The following PRKG1 variants were observed in gnomAD, a reference collection of about 807,000 sequenced individuals.
The protein encoded by PRKG1 is cGMP-dependent protein kinase 1.
Under a neutral mutation model 88.1 loss-of-function variants are expected in PRKG1, and 35 were observed. The ratio of observed to expected loss-of-function variants is 0.40; its 90% CI spans 0.30 to 0.53. The LOEUF is 0.53. PRKG1 is among the 20% of genes least tolerant of loss of function. PRKG1 has a pLI of 0.59. For synonymous variants in PRKG1, 303 were observed against 292.5 expected, an observed-to-expected ratio of 1.04 and a Z score of -0.37; for missense variants, 540 against 839.8, an observed-to-expected ratio of 0.64 and a Z score of 4.41.
intron 1 of PRKG1, among the ~76,000 whole-genome samples, chr10:50,994,799 T>C (rs1589095750): frequency 9.4e-6 from 1 of 106,168 alleles, no homozygotes. Flanking sequence ...CAACTGAGGA[T>C]CAAAACTATT....
intron 1 of PRKG1, among the ~76,000 whole-genome samples, chr10:51,103,535 C>T (rs1431931260): frequency 6.6e-6 from 1 of 152,172 alleles, no homozygotes; most frequent in Non-Finnish European, 1.5e-5. Flanking sequence ...GAAGACATTT[C>T]TGATAGTTTA....
At chr10:51,230,314 G>A (rs766309040) in intron 2 of PRKG1, among the ~76,000 whole-genome samples, 14 of 152,282 alleles carry the variant, frequency 9.2e-5, no homozygotes, top group Admixed American at 2.6e-4. Context: ...GATACTCAAA[G>A]CATTGGCACT....
chr10:51,628,181 CT>C (rs1839423366), intron 3 of PRKG1, among the ~76,000 whole-genome samples: 1 of 89,134 alleles, frequency 1.1e-5, no homozygotes, highest in African/African-American at 4.3e-5. Flanking sequence ...TCTTTTCTTT[CT>C]TTTCTTTCTT....
intron 3 of PRKG1, among the ~76,000 whole-genome samples, chr10:51,531,637 CTTTTTTTTTTTT>C (rs34091409): frequency 2.9e-5 from 2 of 67,852 alleles, no homozygotes; most frequent in African/African-American, 1.2e-4. Flanking sequence ...AAAAAGAATT[CTTTTTTTTTTTT>C]TTTTTTTTTT....
chr10:51,917,003 C>T (rs1231849434), intron 5 of PRKG1, among the ~76,000 whole-genome samples: 1 of 151,974 alleles, frequency 6.6e-6, no homozygotes, highest in African/African-American at 2.4e-5. Flanking sequence ...TGAAGGAGGA[C>T]AGTGGAGAAG....
chr10:51,346,166 A>C (rs1842108864), intron 2 of PRKG1, among the ~76,000 whole-genome samples: 1 of 152,200 alleles, frequency 6.6e-6, no homozygotes. Flanking sequence ...AATTCCAAAA[A>C]AGTCGTTGAT....
chr10:52,054,129 A>G (rs1458705703), intron 5 of PRKG1, among the ~76,000 whole-genome samples: 1 of 152,192 alleles, frequency 6.6e-6, no homozygotes, highest in Non-Finnish European at 1.5e-5. Context: ...AATGAATTTA[A>G]AGGTATGATG....
intron 3 of PRKG1, among the ~76,000 whole-genome samples, chr10:51,799,004 C>A (rs1166391859): frequency 6.6e-6 from 1 of 152,030 alleles, no homozygotes. Context: ...TCCTTAATAT[C>A]TTTCAAATTC....
At chr10:51,906,117 A>T (rs1353243140) in intron 4 of PRKG1, among the ~76,000 whole-genome samples, 2 of 152,162 alleles carry the variant, frequency 1.3e-5, no homozygotes, top group Non-Finnish European at 2.9e-5. Context: ...ATGCATCATC[A>T]ATCAACCTGT....
intron 3 of PRKG1, among the ~76,000 whole-genome samples, chr10:51,538,529 A>G (rs1245505899): frequency 8.0e-6 from 1 of 125,472 alleles, no homozygotes; most frequent in Non-Finnish European, 1.7e-5. Context: ...TACAAAAGTA[A>G]TAGAGAACCA....
intron 5 of PRKG1, among the ~76,000 whole-genome samples, chr10:52,014,399 T>C (rs1047763328): frequency 6.6e-6 from 1 of 152,104 alleles, no homozygotes; most frequent in African/African-American, 2.4e-5. Context: ...GCACTATCCC[T>C]ATCATGATAA....
At chr10:50,996,397 T>C (rs1842837533) in intron 1 of PRKG1, among the ~76,000 whole-genome samples, 1 of 152,192 alleles carries the variant, frequency 6.6e-6, no homozygotes, top group Non-Finnish European at 1.5e-5. Flanking sequence ...GTTTAGTAAG[T>C]GGGGAATCCT....
intron 1 of PRKG1, chr10:51,062,847 C>G (rs1843708466): frequency 6.6e-6 from 1 of 152,162 alleles, no homozygotes; most frequent in Admixed American, 6.5e-5. Flanking sequence ...GTCTCAAACT[C>G]CCGACCTCAG....
chr10:52,037,558 G>C (rs1299595753), intron 5 of PRKG1, among the ~76,000 whole-genome samples: 1 of 152,180 alleles, frequency 6.6e-6, no homozygotes, highest in Non-Finnish European at 1.5e-5. Context: ...CATGAACTGG[G>C]CTGGATTTTT....
At chr10:51,094,210 A>AAT (rs965860199) in intron 1 of PRKG1, among the ~76,000 whole-genome samples, 5 of 151,932 alleles carry the variant, frequency 3.3e-5, no homozygotes, top group African/African-American at 4.8e-5. Flanking sequence ...GTTTTTTATA[A>AAT]ATATATATAT....
chr10:51,133,065 G>T (rs189965089), intron 1 of PRKG1, among the ~76,000 whole-genome samples: 435 of 152,206 alleles, frequency 2.9e-3, no homozygotes, highest in African/African-American at 0.01. Context: ...GACATAGTTA[G>T]GTGGATGGTG....
chr10:51,269,044 C>A (rs938009607), intron 2 of PRKG1, among the ~76,000 whole-genome samples: 1 of 151,956 alleles, frequency 6.6e-6, no homozygotes, highest in African/African-American at 2.4e-5. Context: ...ACAATCCTAT[C>A]AAAAAGTGGG....
intron 5 of PRKG1, among the ~76,000 whole-genome samples, chr10:52,003,279 C>T (rs1251221155): frequency 6.6e-6 from 1 of 152,174 alleles, no homozygotes; most frequent in Non-Finnish European, 1.5e-5. Context: ...TTACAGTTCC[C>T]TATATGACCT....
At chr10:51,674,314 C>A (rs1255164847) in intron 3 of PRKG1, among the ~76,000 whole-genome samples, 1 of 152,048 alleles carries the variant, frequency 6.6e-6, no homozygotes, top group Non-Finnish European at 1.5e-5. Context: ...TCTCCTAATG[C>A]TATCCCTCCC....
Sources: allele counts gnomAD v4.1 joint callset (sites outside exome capture counted in the v4.1 genomes callset), GRCh38; gene constraint gnomAD v4.1.1; transcripts MANE v1.5; gene names NCBI Gene and HGNC (gene_info 2026-07-23, HGNC 2026-07-21).